Variants in SLIT3 observed in about 807,000 individuals in gnomAD.
The protein encoded by SLIT3 is slit homolog 3 protein.
SLIT3 carries 68 observed loss-of-function variants against 184.0 expected under a neutral mutation model. That is an observed-to-expected ratio of 0.37 (90% CI 0.30 to 0.45). The LOEUF is 0.45. SLIT3 is among the 20% of genes least tolerant of loss of function. SLIT3 has a pLI of 1.00. For missense variants in SLIT3, 1,707 were observed against 2,026.0 expected (o/e 0.84, Z 3.02); for synonymous variants, 831 against 828.6 (o/e 1.00, Z -0.05).
intron 3 of SLIT3, among the ~76,000 whole-genome samples, chr5:169,197,181 C>A (rs1277612661): frequency 6.6e-6 from 1 of 152,086 alleles, no homozygotes; most frequent in African/African-American, 2.4e-5. Flanking sequence ...CTAAATTTAG[C>A]CAATTGTGTG....
Position 168,699,419 on chromosome 5 carries a change from T to C in SLIT3, c.2942+1163A>G, listed in dbSNP as rs79430759. Among the ~76,000 whole-genome samples the C allele has an allele frequency of 8.5e-3, 1,289 of 152,352 alleles. 26 individuals carry two copies. The East Asian group carries it at 0.096, about 11-fold the overall frequency. On this transcript the variant is annotated intron_variant, in intron 27 of 35. Transcript: ENST00000519560. ...TTATTGCCAAGGGGCTGCCGCCTCC[T>C]GACTGGCTCACCAGGGATGCCAAAG... is the stretch of plus-strand genomic sequence containing the variant.
At chr5:168,857,994 G>A (rs1315651992) in intron 5 of SLIT3, among the ~76,000 whole-genome samples, 2 of 152,252 alleles carry the variant, frequency 1.3e-5, no homozygotes, top group Non-Finnish European at 2.9e-5. Flanking sequence ...TTCTGGAGAT[G>A]TCTCCTCTTC....
At chr5:168,728,036 A>G (rs1189561961) in intron 20 of SLIT3, among the ~76,000 whole-genome samples, 2 of 152,092 alleles carry the variant, frequency 1.3e-5, no homozygotes, top group African/African-American at 4.8e-5. Context: ...TGAGATTGAC[A>G]GTGGCTTCCC....
At chr5:168,731,840 A>G (rs1763298379) in intron 20 of SLIT3, among the ~76,000 whole-genome samples, 1 of 152,132 alleles carries the variant, frequency 6.6e-6, no homozygotes, top group Admixed American at 6.5e-5. Context: ...CACAGCCAAC[A>G]TCATCCTTAA....
intron 4 of SLIT3, among the ~76,000 whole-genome samples, chr5:169,142,613 G>A (rs999894892): frequency 2.6e-5 from 4 of 152,192 alleles, no homozygotes; most frequent in Non-Finnish European, 4.4e-5. Context: ...TGCATGGCTG[G>A]CCAAGCTGGG....
chr5:169,103,621 G>A (rs919338533), intron 4 of SLIT3, among the ~76,000 whole-genome samples: 2 of 152,228 alleles, frequency 1.3e-5, no homozygotes, highest in South Asian at 2.1e-4. Flanking sequence ...TCCCCAGGGT[G>A]GGCATGCTGT....
intron 1 of SLIT3, among the ~76,000 whole-genome samples, chr5:169,268,661 T>C (rs1220889314): frequency 6.6e-6 from 1 of 152,192 alleles, no homozygotes. Flanking sequence ...AGTCCCAGTT[T>C]CATTACTACT....
At chr5:168,916,280 G>C (rs991986436) in intron 4 of SLIT3, among the ~76,000 whole-genome samples, 91 of 152,210 alleles carry the variant, frequency 6.0e-4, no homozygotes, top group African/African-American at 2.0e-3. Flanking sequence ...GCTGTAGGAA[G>C]GGAGACACAC....
chr5:168,758,578 T>A (rs898636778), intron 16 of SLIT3, among the ~76,000 whole-genome samples: 1 of 152,208 alleles, frequency 6.6e-6, no homozygotes, highest in Admixed American at 6.5e-5. Context: ...GTGACAGCCA[T>A]GATCCTCACC....
chr5:169,071,700 G>T, intron 4 of SLIT3, among the ~76,000 whole-genome samples: 1 of 152,128 alleles, frequency 6.6e-6, no homozygotes, highest in Non-Finnish European at 1.5e-5. Context: ...CCAAGTCGTG[G>T]TTGCAATGGA....
chr5:169,128,000 G>A (rs527730466), intron 4 of SLIT3, among the ~76,000 whole-genome samples: 1 of 151,868 alleles, frequency 6.6e-6, no homozygotes, highest in Non-Finnish European at 1.5e-5. Flanking sequence ...ATTTCTCAAG[G>A]CATTAAAAAC....
intron 12 of SLIT3, among the ~76,000 whole-genome samples, chr5:168,781,331 T>C (rs1755962472): frequency 6.6e-6 from 1 of 152,194 alleles, no homozygotes; most frequent in Non-Finnish European, 1.5e-5. Flanking sequence ...CTCAGGACTA[T>C]TAGGGTGGTA....
intron 4 of SLIT3, among the ~76,000 whole-genome samples, chr5:168,975,441 G>C (rs1259546801): frequency 6.6e-6 from 1 of 151,754 alleles, no homozygotes; most frequent in Non-Finnish European, 1.5e-5. Context: ...TCCTTCATTT[G>C]TGAACATACA....
At chr5:169,165,775 A>G (rs1378455193) in intron 4 of SLIT3, among the ~76,000 whole-genome samples, 1 of 152,208 alleles carries the variant, frequency 6.6e-6, no homozygotes, top group Non-Finnish European at 1.5e-5. Flanking sequence ...ATCACTGTCC[A>G]ACATACCAGT....
intron 4 of SLIT3, among the ~76,000 whole-genome samples, chr5:169,181,566 C>G (rs557857108): frequency 6.6e-6 from 1 of 151,838 alleles, no homozygotes; most frequent in Non-Finnish European, 1.5e-5. Context: ...ATGGTGAAAC[C>G]CTGTCTCTAC....
At chr5:169,293,511 CT>C (rs1767415782) in intron 1 of SLIT3, among the ~76,000 whole-genome samples, 1 of 152,166 alleles carries the variant, frequency 6.6e-6, no homozygotes, top group South Asian at 2.1e-4. Context: ...CTCAGTAAGA[CT>C]TTTGACCATA....
chr5:169,272,241 G>T (rs1281529978), intron 1 of SLIT3, among the ~76,000 whole-genome samples: 1 of 152,220 alleles, frequency 6.6e-6, no homozygotes, highest in African/African-American at 2.4e-5. Context: ...CCTCCACCCT[G>T]ACCCACAATC....
At chr5:168,812,605 A>T (rs1757197323) in intron 8 of SLIT3, among the ~76,000 whole-genome samples, 1 of 152,230 alleles carries the variant, frequency 6.6e-6, no homozygotes, top group African/African-American at 2.4e-5. Flanking sequence ...TGTGGAAATA[A>T]ATTAATTCCA....
In SLIT3 at chr5:168,763,991, A is replaced by G. The variant is rs192219042; in HGVS notation, c.1460-1302T>C. On this transcript the variant is annotated intron_variant, in intron 14 of 35. Transcript: ENST00000519560. Reference sequence around the variant, plus strand: ...TTGCATTTAGGAGCATTAGCTTTTCATGGGTTTTAGCAGAAGGGAGCACAG... The same window carrying G: ...TTGCATTTAGGAGCATTAGCTTTTCGTGGGTTTTAGCAGAAGGGAGCACAG... Among the ~76,000 whole-genome samples the G allele has an allele frequency of 5.9e-3, 892 of 152,344 alleles. 3 individuals are homozygous for G. The highest frequency in any genetic ancestry group is 1.0e-2 in the Non-Finnish European group (680 of 68,028).
Sources: allele counts gnomAD v4.1 joint callset (sites outside exome capture counted in the v4.1 genomes callset), GRCh38; gene constraint gnomAD v4.1.1; transcripts MANE v1.5; gene names NCBI Gene and HGNC (gene_info 2026-07-23, HGNC 2026-07-21).